NAALADL2: variants seen among roughly 807,000 people sequenced by gnomAD.
NAALADL2 encodes the protein N-acetylated alpha-linked acidic dipeptidase like 2.
Under a neutral mutation model 87.2 loss-of-function variants are expected in NAALADL2, and 76 were observed. The observed-to-expected ratio is 0.87, with a 90% CI of 0.72 to 1.05. NAALADL2 has a LOEUF of 1.05. Among genes scored for constraint, NAALADL2 ranks in the 50% least tolerant of loss-of-function variants. NAALADL2 has a pLI of 0.00. For synonymous variants in NAALADL2, 354 were observed against 331.0 expected, an observed-to-expected ratio of 1.07 and a Z score of -0.75; for missense variants, 1,089 against 945.8, an observed-to-expected ratio of 1.15 and a Z score of -1.99.
chr3:175,228,125 A>G (rs911307370), intron 2 of NAALADL2, among the ~76,000 whole-genome samples: 33 of 151,938 alleles, frequency 2.2e-4, no homozygotes, highest in African/African-American at 8.0e-4. Context: ...GTTTCTATAA[A>G]GGTGTGCTCA....
At chr3:175,746,320 T>TG (rs1040098483) in intron 12 of NAALADL2, among the ~76,000 whole-genome samples, 2 of 151,624 alleles carry the variant, frequency 1.3e-5, no homozygotes, top group South Asian at 4.1e-4. Flanking sequence ...GGTTTGTTTT[T>TG]TTTTTTTTTT....
chr3:175,722,079 A>G (rs1054946501), intron 11 of NAALADL2, among the ~76,000 whole-genome samples: 8 of 152,074 alleles, frequency 5.3e-5, no homozygotes, highest in Admixed American at 3.3e-4. Context: ...CTGTAAAAGT[A>G]ACGTATTGAG....
chr3:175,201,339 A>G (rs904329182), intron 2 of NAALADL2, among the ~76,000 whole-genome samples: 7 of 152,200 alleles, frequency 4.6e-5, no homozygotes, highest in African/African-American at 1.7e-4. Flanking sequence ...TTTTAGTTAT[A>G]TAAGCCTTCC....
At chr3:175,790,590 A>AT (rs1245269871) in intron 13 of NAALADL2, among the ~76,000 whole-genome samples, 1 of 152,220 alleles carries the variant, frequency 6.6e-6, no homozygotes, top group African/African-American at 2.4e-5. Context: ...AACACATATG[A>AT]TGCAACGTCT....
intron 3 of NAALADL2, among the ~76,000 whole-genome samples, chr3:174,765,142 A>G (rs867325729): frequency 2.6e-4 from 28 of 106,862 alleles, no homozygotes; most frequent in Non-Finnish European, 5.4e-4. Context: ...ACACACACAC[A>G]CGAGAGAGAG....
rs542952964 is a variant in NAALADL2, at chr3:175,023,456, A to T, written c.44-73334A>T. Among the ~76,000 whole-genome samples the T allele has an allele frequency of 7.9e-5, 12 of 152,232 alleles. No homozygotes were observed. The South Asian group carries it at 2.5e-3, about 32-fold the overall frequency. On this transcript the variant is annotated intron_variant, in intron 1 of 13. Transcript: ENST00000454872. ...TTTATATTATTTTTTCGATTGAGAA[A>T]CTAATCTGAGTTGGACGTTCCTGTT...
At chr3:175,030,005 C>T (rs547329322) in intron 1 of NAALADL2, among the ~76,000 whole-genome samples, 30 of 152,166 alleles carry the variant, frequency 2.0e-4, no homozygotes, top group Middle Eastern at 3.4e-3. Context: ...TTAGTGTCAG[C>T]GTGTTCGTAA....
At chr3:174,989,265 A>G (rs1008835710) in intron 1 of NAALADL2, among the ~76,000 whole-genome samples, 1 of 152,154 alleles carries the variant, frequency 6.6e-6, no homozygotes, top group Non-Finnish European at 1.5e-5. Flanking sequence ...ACATCCAAAC[A>G]ATAGCAGTCA....
intron 1 of NAALADL2, among the ~76,000 whole-genome samples, chr3:174,950,507 A>G (rs1443612038): frequency 5.3e-5 from 8 of 152,164 alleles, no homozygotes; most frequent in African/African-American, 1.9e-4. Flanking sequence ...TTGATAATCA[A>G]GTGAGCACTA....
At chr3:175,404,869 T>G (rs1455315889) in intron 5 of NAALADL2, among the ~76,000 whole-genome samples, 3 of 152,192 alleles carry the variant, frequency 2.0e-5, no homozygotes, top group Admixed American at 2.0e-4. Context: ...AACATTATAT[T>G]TACTGAGGCT....
chr3:175,156,617 T>C (rs555264203), intron 2 of NAALADL2, among the ~76,000 whole-genome samples: 321 of 152,272 alleles, frequency 2.1e-3, no homozygotes, highest in Middle Eastern at 0.01. Flanking sequence ...ACTGATTAAA[T>C]ATTATTCTTT....
chr3:175,238,710 C>T (rs919825617), intron 3 of NAALADL2, among the ~76,000 whole-genome samples: 4 of 152,114 alleles, frequency 2.6e-5, no homozygotes, highest in African/African-American at 9.7e-5. Context: ...TTGAAACTCA[C>T]ATGTTCTAAT....
intron 2 of NAALADL2, among the ~76,000 whole-genome samples, chr3:174,704,308 A>G (rs1007438186): frequency 3.3e-5 from 5 of 152,302 alleles, no homozygotes; most frequent in South Asian, 2.1e-4. Flanking sequence ...TTTAAAAAAG[A>G]TTATCATCAG....
At chr3:175,730,452 A>T (rs1465766266) in intron 11 of NAALADL2, among the ~76,000 whole-genome samples, 1 of 133,850 alleles carries the variant, frequency 7.5e-6, no homozygotes, top group Admixed American at 7.4e-5. Flanking sequence ...ATACACACAT[A>T]CACACGCACA....
At chr3:174,634,846 G>A (rs1392764653) in intron 2 of NAALADL2, among the ~76,000 whole-genome samples, 5 of 152,018 alleles carry the variant, frequency 3.3e-5, no homozygotes, top group Non-Finnish European at 7.4e-5. Context: ...GATGGGTTGT[G>A]AATTTAAATA....
In NAALADL2 at chr3:175,290,726, C is replaced by T. The variant is rs574073461; in HGVS notation, c.940-33449C>T. 2.0e-4 allele frequency among the ~76,000 whole-genome samples: 31 copies of T among 152,150 alleles called. 2 individuals carry two copies. The South Asian group carries it at 2.3e-3, about 11-fold the overall frequency. ...CATGCTTAGTGTTCCAATAATGGAA[C>T]GCTAGGCATAAAGTTTATTTAAAAT... On this transcript the variant is annotated intron_variant, in intron 4 of 13. Coordinates refer to ENST00000454872, the MANE Select transcript of NAALADL2 (RefSeq NM_207015.3).
chr3:174,766,303 A>G (rs1713795179), intron 3 of NAALADL2, among the ~76,000 whole-genome samples: 1 of 152,158 alleles, frequency 6.6e-6, no homozygotes, highest in Non-Finnish European at 1.5e-5. Flanking sequence ...TGAAGTGACC[A>G]TTTTGAAGTA....
rs73172530 is a variant in NAALADL2 at position 174,490,689 on chromosome 3, A to G, written c.-184+49657A>G. Among the ~76,000 whole-genome samples the G allele has an allele frequency of 3.3e-3, 506 of 152,200 alleles. 1 individual carries two copies. The highest frequency in any genetic ancestry group is 5.8e-3 in the Admixed American group (89 of 15,270). On this transcript the variant is annotated intron_variant, in intron 1 of 3. Coordinates refer to the NAALADL2 transcript ENST00000434257. ...ATCTTAGATGAATTGAAAACAATGG[A>G]ATGAAGTAAACAAGTAGGGGTGATT...
intron 12 of NAALADL2, among the ~76,000 whole-genome samples, chr3:175,741,366 A>G (rs575342802): frequency 1.3e-5 from 2 of 152,240 alleles, no homozygotes; most frequent in Admixed American, 6.5e-5. Flanking sequence ...CTCTGGCCTC[A>G]CGAACTAATC....
Sources: gnomAD v4.1 joint callset for allele counts (sites outside exome capture counted in the v4.1 genomes callset) on GRCh38, gnomAD v4.1.1 for gene constraint, MANE v1.5 for transcripts, NCBI Gene and HGNC (gene_info 2026-07-23, HGNC 2026-07-21) for gene names.